The following KLHL13 variants were observed in gnomAD, a reference collection of about 807,000 sequenced individuals.
KLHL13 encodes the protein kelch-like protein 13.
Under a neutral mutation model 37.1 loss-of-function variants are expected in KLHL13, and 10 were observed. That is an observed-to-expected ratio of 0.27 (90% CI 0.17 to 0.46). The LOEUF is 0.46. Among genes scored for constraint, KLHL13 ranks in the 20% least tolerant of loss-of-function variants. The pLI is 1.00. For missense variants in KLHL13, 360 were observed against 509.3 expected (o/e 0.71, Z 2.82); for synonymous variants, 163 against 181.2 (o/e 0.90, Z 0.81).
rs754253961 is a variant in KLHL13 at position 118,045,385 on chromosome X, A to G, written c.-56+71123T>C. 8.2e-3 allele frequency among the ~76,000 whole-genome samples: 891 copies of G among 109,120 alleles called. 9 individuals are homozygous for G. The highest frequency in any genetic ancestry group is 0.028 in the African/African-American group (837 of 29,957). 94.8% of individuals were successfully genotyped at this position (109,120 alleles called of 115,157 possible). A position where few individuals can be genotyped will look rare whatever the true frequency, so the allele number is the denominator to read the frequency against. ...CAAGACTCCATCAAAAAAAAAAAAA[A>G]AAAGAAAGAAAAAGAAATGGGCAAA... On this transcript the variant is annotated intron_variant, in intron 1 of 6. Transcript: ENST00000371882.
chrX:117,963,055 C>T (rs1008308415), intron 1 of KLHL13, among the ~76,000 whole-genome samples: 4 of 111,975 alleles, frequency 3.6e-5, no homozygotes, highest in Non-Finnish European at 5.6e-5. Context: ...ATCTGTTATA[C>T]ATGCTAGATT....
intron 1 of KLHL13, among the ~76,000 whole-genome samples, chrX:118,043,104 G>A (rs919461813): frequency 4.5e-5 from 5 of 111,244 alleles, no homozygotes; most frequent in Non-Finnish European, 9.4e-5. Context: ...TGGCTACTAT[G>A]AGCAAATACA....
At chrX:117,994,241 T>C (rs956985167) in intron 1 of KLHL13, among the ~76,000 whole-genome samples, 3 of 109,877 alleles carry the variant, frequency 2.7e-5, no homozygotes, top group Admixed American at 1.9e-4. Flanking sequence ...CTTCCTTCTT[T>C]CCTTCTTCCC....
At chrX:118,080,460 T>C (rs1277364228) in intron 1 of KLHL13, among the ~76,000 whole-genome samples, 6 of 109,864 alleles carry the variant, frequency 5.5e-5, no homozygotes, top group Admixed American at 9.7e-5. Flanking sequence ...GCAAAGGACA[T>C]GAACAGACAT....
chrX:117,899,849 A>G (rs1304354167), intron 6 of KLHL13, among the ~76,000 whole-genome samples: 1 of 112,098 alleles, frequency 8.9e-6, no homozygotes, highest in East Asian at 2.8e-4. Context: ...ACAAAACAAT[A>G]TCTACTCTAG....
chrX:118,027,757 G>A, intron 1 of KLHL13, among the ~76,000 whole-genome samples: 1 of 110,426 alleles, frequency 9.1e-6, no homozygotes, highest in East Asian at 2.8e-4. Flanking sequence ...CCATTTCATA[G>A]GTGAGGAAAT....
At chrX:117,982,144 G>A in intron 1 of KLHL13, among the ~76,000 whole-genome samples, 1 of 108,350 alleles carries the variant, frequency 9.2e-6, no homozygotes, top group Non-Finnish European at 1.9e-5. Flanking sequence ...ATCTAATCAG[G>A]CAGACTAGAT....
intron 1 of KLHL13, among the ~76,000 whole-genome samples, chrX:117,971,004 T>C (rs1218697160): frequency 2.7e-5 from 3 of 111,653 alleles, no homozygotes; most frequent in Non-Finnish European, 5.7e-5. Flanking sequence ...GTAGGTTCTA[T>C]CTTCTAAATT....
chrX:118,020,507 G>C (rs752166363), intron 1 of KLHL13, among the ~76,000 whole-genome samples: 139 of 110,922 alleles, frequency 1.3e-3, no homozygotes, highest in African/African-American at 4.4e-3. Context: ...TGCTGGAGAG[G>C]ATGTGGAGAA....
chrX:117,898,848 A>G (rs908822856), exon 7 of KLHL13: 64 of 1,105,377 alleles, frequency 5.8e-5, no homozygotes, highest in Non-Finnish European at 7.5e-5. Flanking sequence ...GGGGAAAAAG[A>G]AGAGAATTTA....
At chrX:118,094,913 C>A (rs1320707782) in intron 1 of KLHL13, among the ~76,000 whole-genome samples, 1 of 111,810 alleles carries the variant, frequency 8.9e-6, no homozygotes, top group Non-Finnish European at 1.9e-5. Context: ...AAAGGAACAA[C>A]TGGTACCAGC....
At chrX:118,097,335 T>C (rs1047290671) in intron 1 of KLHL13, among the ~76,000 whole-genome samples, 2 of 111,146 alleles carry the variant, frequency 1.8e-5, no homozygotes, top group African/African-American at 6.6e-5. Flanking sequence ...CACAATTGCT[T>C]CAAAGAGAAT....
At chrX:118,059,367 C>A (rs2054717018) in intron 1 of KLHL13, among the ~76,000 whole-genome samples, 1 of 111,931 alleles carries the variant, frequency 8.9e-6, no homozygotes, top group African/African-American at 3.2e-5. Flanking sequence ...TTAACTGTTA[C>A]AAGCAGCATC....
At chrX:118,069,412 T>C (rs1197472504) in intron 1 of KLHL13, among the ~76,000 whole-genome samples, 2 of 74,295 alleles carry the variant, frequency 2.7e-5, no homozygotes, top group Non-Finnish European at 4.8e-5. Context: ...AAAAAAAAGT[T>C]TAAAATGTAA....
At chrX:118,033,992 G>C (rs1326859905) in intron 1 of KLHL13, among the ~76,000 whole-genome samples, 2 of 100,754 alleles carry the variant, frequency 2.0e-5, no homozygotes, top group Non-Finnish European at 4.0e-5. Context: ...AAGAGACAAA[G>C]AAGGCCATTA....
At chrX:117,897,869 T>C (rs1303634725) in exon 7 of KLHL13, 2 of 112,309 alleles carry the variant, frequency 1.8e-5, no homozygotes, top group Non-Finnish European at 3.8e-5. Context: ...TTGAATTTAC[T>C]GAGCAAAAGC....
At chrX:117,915,662 A>G (rs1931297497) in intron 4 of KLHL13, among the ~76,000 whole-genome samples, 1 of 112,377 alleles carries the variant, frequency 8.9e-6, no homozygotes, top group East Asian at 2.8e-4. Flanking sequence ...TGTTTTGTTC[A>G]TTCTATATAT....
chrX:117,942,921 C>G (rs1221628238), intron 2 of KLHL13, among the ~76,000 whole-genome samples: 2 of 111,349 alleles, frequency 1.8e-5, no homozygotes, highest in African/African-American at 6.5e-5. Flanking sequence ...TTCATAGTGT[C>G]AATGATCTTT....
chrX:118,085,482 A>G (rs2055043102), intron 1 of KLHL13, among the ~76,000 whole-genome samples: 5 of 110,214 alleles, frequency 4.5e-5, no homozygotes, highest in Non-Finnish European at 9.5e-5. Context: ...TTTTGGTTAC[A>G]TGGATGAAGT....
Sources: gnomAD v4.1 joint callset for allele counts (sites outside exome capture counted in the v4.1 genomes callset) on GRCh38, gnomAD v4.1.1 for gene constraint, MANE v1.5 for transcripts, NCBI Gene and HGNC (gene_info 2026-07-23, HGNC 2026-07-21) for gene names.